ACYP2: variants seen among roughly 807,000 people sequenced by gnomAD.
The protein encoded by ACYP2 is acylphosphatase-2.
ACYP2 carries 12 observed loss-of-function variants against 11.2 expected under a neutral mutation model. That is an observed-to-expected ratio of 1.08 (90% CI 0.69 to 1.74). ACYP2 has a LOEUF of 1.74. ACYP2 is among the 40% of genes most tolerant of loss of function. The probability of loss-of-function intolerance (pLI) is 0.00; values close to 1 mark genes in which losing one functional copy is unlikely to be tolerated. For missense variants in ACYP2, 134 were observed against 101.9 expected (o/e 1.31, Z -1.35); for synonymous variants, 43 against 32.2 (o/e 1.33, Z -1.13).
At chr2:54,070,079 T>C (rs750777827) in intron 4 of ACYP2, among the ~76,000 whole-genome samples, 4 of 152,192 alleles carry the variant, frequency 2.6e-5, no homozygotes, top group African/African-American at 4.8e-5. Context: ...AAGACCAGCC[T>C]GACCAACATG....
At chr2:54,067,413 A>G (rs1000877448) in intron 4 of ACYP2, among the ~76,000 whole-genome samples, 1 of 152,258 alleles carries the variant, frequency 6.6e-6, no homozygotes, top group Non-Finnish European at 1.5e-5. Flanking sequence ...TCTACCTTGC[A>G]CTATGTTCTT....
At chr2:54,258,971 C>T (rs1204131156) in intron 6 of ACYP2, among the ~76,000 whole-genome samples, 1 of 152,204 alleles carries the variant, frequency 6.6e-6, no homozygotes, top group Non-Finnish European at 1.5e-5. Flanking sequence ...TAGCAACCCA[C>T]TCTCTCAAAA....
chr2:54,166,913 TA>T (rs1250570846), intron 6 of ACYP2: 2 of 152,158 alleles, frequency 1.3e-5, no homozygotes, highest in Non-Finnish European at 2.9e-5. Context: ...AAAGGACTCT[TA>T]AAATTTATTT....
At chr2:54,008,743 C>A (rs1040697222) in intron 2 of ACYP2, among the ~76,000 whole-genome samples, 18 of 152,108 alleles carry the variant, frequency 1.2e-4, no homozygotes, top group African/African-American at 4.3e-4. Context: ...GTGTTCTATC[C>A]ACTGAGAAAT....
At chr2:54,059,424 T>A (rs1676349479) in intron 4 of ACYP2, among the ~76,000 whole-genome samples, 1 of 152,144 alleles carries the variant, frequency 6.6e-6, no homozygotes, top group African/African-American at 2.4e-5. Flanking sequence ...TTCACCATGT[T>A]GGCCAGGCTG....
intron 6 of ACYP2, among the ~76,000 whole-genome samples, chr2:54,236,776 TCTCA>T (rs1396697651): frequency 6.6e-6 from 1 of 152,232 alleles, no homozygotes; most frequent in Non-Finnish European, 1.5e-5. Context: ...TGTTCAGATT[TCTCA>T]CTATGATTTT....
chr2:54,214,526 C>T (rs1685477780), intron 6 of ACYP2, among the ~76,000 whole-genome samples: 2 of 152,190 alleles, frequency 1.3e-5, no homozygotes, highest in African/African-American at 2.4e-5. Context: ...TTATTGTCAA[C>T]TTTGTCAAAG....
chr2:54,057,620 T>C (rs903913908), intron 4 of ACYP2, among the ~76,000 whole-genome samples: 1 of 152,260 alleles, frequency 6.6e-6, no homozygotes, highest in Non-Finnish European at 1.5e-5. Context: ...AGAAGCATAC[T>C]AAATTTGTTT....
Position 53,975,747 on chromosome 2 carries a change from G to A in ACYP2, c.62+1937G>A, listed in dbSNP as rs1237755443. Among the ~76,000 whole-genome samples, 5 of 152,208 alleles carry A rather than the reference G, an allele frequency of 3.3e-5. No homozygotes were observed. In the South Asian group the frequency reaches 6.2e-4, roughly 19 times the overall value. On this transcript the variant is annotated intron_variant, in intron 2 of 6. Coordinates refer to ENST00000607452, the MANE Select transcript of ACYP2 (RefSeq NM_001320586.2). ...CTTGGGAGGCTGAGGCAGGAGAATCGCTTAAACCCGGGAGGCAGAGGTTGC... is the reference window on the plus strand; with the variant it reads ...CTTGGGAGGCTGAGGCAGGAGAATCACTTAAACCCGGGAGGCAGAGGTTGC...
chr2:54,078,717 C>A (rs141806060), intron 4 of ACYP2, among the ~76,000 whole-genome samples: 2,478 of 151,822 alleles, frequency 0.016, 28 homozygotes, highest in South Asian at 0.054. Context: ...CTCCTGCCTC[C>A]GCCTCCAGAG....
intron 6 of ACYP2, among the ~76,000 whole-genome samples, chr2:54,221,127 C>G (rs1015541978): frequency 1.3e-4 from 20 of 152,140 alleles, no homozygotes; most frequent in African/African-American, 1.9e-4. Context: ...GCCCCTTCAC[C>G]TTGGGTTCCA....
At chr2:54,195,296 C>G (rs771099071) in intron 6 of ACYP2, among the ~76,000 whole-genome samples, 4 of 152,204 alleles carry the variant, frequency 2.6e-5, no homozygotes, top group Admixed American at 2.0e-4. Flanking sequence ...GATCCTTAAA[C>G]TTCTTTGTTG....
At chr2:54,179,152 T>G (rs1176777443) in intron 6 of ACYP2, among the ~76,000 whole-genome samples, 2 of 149,294 alleles carry the variant, frequency 1.3e-5, no homozygotes, top group South Asian at 4.2e-4. Context: ...TTAAATGAAG[T>G]TTTTTGAGAA....
At chr2:54,128,843 G>T (rs928188146) in intron 4 of ACYP2, among the ~76,000 whole-genome samples, 1 of 151,892 alleles carries the variant, frequency 6.6e-6, no homozygotes, top group Non-Finnish European at 1.5e-5. Context: ...GAGATTTCTT[G>T]TATCTTTTGC....
chr2:53,973,905 A>ATTTTTTTT (rs1558445446), intron 2 of ACYP2: 2 of 78,650 alleles, frequency 2.5e-5, no homozygotes, highest in Non-Finnish European at 4.8e-5. Context: ...GTGTGTGTAT[A>ATTTTTTTT]TATTTTTTTT....
intron 2 of ACYP2, among the ~76,000 whole-genome samples, chr2:53,979,189 A>C (rs1671633571): frequency 6.6e-6 from 1 of 152,298 alleles, no homozygotes; most frequent in African/African-American, 2.4e-5. Context: ...CAGTGCAACA[A>C]GATGTGGGGG....
At chr2:54,247,661 A>G (rs754155068) in intron 6 of ACYP2, among the ~76,000 whole-genome samples, 4 of 152,238 alleles carry the variant, frequency 2.6e-5, no homozygotes, top group Non-Finnish European at 5.9e-5. Context: ...TCATAACTTT[A>G]ACATCAAAAT....
intron 2 of ACYP2, among the ~76,000 whole-genome samples, chr2:54,022,840 G>A (rs944379588): frequency 4.6e-5 from 7 of 152,292 alleles, no homozygotes; most frequent in Non-Finnish European, 7.4e-5. Context: ...AGAGGAATCC[G>A]AATGGACAGG....
intron 2 of ACYP2, among the ~76,000 whole-genome samples, chr2:53,991,558 A>C (rs1263138354): frequency 2.6e-5 from 4 of 151,934 alleles, no homozygotes; most frequent in Admixed American, 1.3e-4. Context: ...GGCATGCGCC[A>C]CCACACCTGG....
Sources: allele counts gnomAD v4.1 joint callset (sites outside exome capture counted in the v4.1 genomes callset), GRCh38; gene constraint gnomAD v4.1.1; transcripts MANE v1.5; gene names NCBI Gene and HGNC (gene_info 2026-07-23, HGNC 2026-07-21).